Variants in PSMA1 observed in about 807,000 individuals in gnomAD.
PSMA1 encodes proteasome subunit alpha type-1.
Under a neutral mutation model 38.4 loss-of-function variants are expected in PSMA1, and 3 were observed. The ratio of observed to expected loss-of-function variants is 0.08; its 90% CI spans 0.04 to 0.20. The LOEUF is 0.20. Ranked by LOEUF, PSMA1 falls within the 10% of genes least tolerant of loss-of-function variation. The pLI, the probability that PSMA1 is intolerant of heterozygous loss-of-function variation, is 1.00. For missense variants in PSMA1, 227 were observed against 325.3 expected, an observed-to-expected ratio of 0.70 and a Z score of 2.32; for synonymous variants, 101 against 107.1, an observed-to-expected ratio of 0.94 and a Z score of 0.35.
chr11:14,522,994 G>A (rs72868069), upstream of PSMA1, among the ~76,000 whole-genome samples: 865 of 152,264 alleles, frequency 5.7e-3, 5 homozygotes, highest in Non-Finnish European at 8.6e-3. Context: ...GAATGAATGA[G>A]TGATAGATCT....
At chr11:14,512,428 C>T (rs897122015) in intron 7 of PSMA1, among the ~76,000 whole-genome samples, 4 of 152,026 alleles carry the variant, frequency 2.6e-5, no homozygotes, top group African/African-American at 7.3e-5. Flanking sequence ...ATTCCATGTT[C>T]ATGGATCAGA....
chr11:14,517,311 C>G (rs183176794), intron 4 of PSMA1, among the ~76,000 whole-genome samples: 3 of 152,236 alleles, frequency 2.0e-5, no homozygotes, highest in Non-Finnish European at 2.9e-5. Context: ...ACAAAGAAAA[C>G]AAGTGTGGTT....
At chr11:14,554,580 AT>A (rs2134170314) in intron 2 of PSMA1, among the ~76,000 whole-genome samples, 1 of 152,134 alleles carries the variant, frequency 6.6e-6, no homozygotes, top group East Asian at 1.9e-4. Flanking sequence ...TCTTTTCTCC[AT>A]TGAATTTTTT....
At chr11:14,533,463 G>T (rs2134160554) in intron 2 of PSMA1, among the ~76,000 whole-genome samples, 1 of 152,270 alleles carries the variant, frequency 6.6e-6, no homozygotes, top group South Asian at 2.1e-4. Context: ...ACCCCATGTG[G>T]CTTTCCTCTT....
chr11:14,567,494 A>AG (rs995090953), intron 2 of PSMA1, among the ~76,000 whole-genome samples: 1 of 152,206 alleles, frequency 6.6e-6, no homozygotes, highest in Admixed American at 6.6e-5. Flanking sequence ...CTGTAGTGTG[A>AG]GGGAGGTATC....
intron 2 of PSMA1, among the ~76,000 whole-genome samples, chr11:14,592,705 A>G (rs988089021): frequency 6.6e-6 from 1 of 152,302 alleles, no homozygotes; most frequent in South Asian, 2.1e-4. Flanking sequence ...TTCTTGTAGA[A>G]TTTTGTTTCT....
chr11:14,608,607 AAT>A (rs1453348257), intron 2 of PSMA1, among the ~76,000 whole-genome samples: 3 of 148,138 alleles, frequency 2.0e-5, no homozygotes, highest in Non-Finnish European at 3.0e-5. Flanking sequence ...ATATATATAA[AAT>A]ATGATTATAT....
chr11:14,512,534 C>T (rs953918015), intron 7 of PSMA1, among the ~76,000 whole-genome samples: 1 of 152,122 alleles, frequency 6.6e-6, no homozygotes, highest in Non-Finnish European at 1.5e-5. Context: ...ATGTGCTAGG[C>T]AGAGGGTGCT....
intron 1 of PSMA1, among the ~76,000 whole-genome samples, chr11:14,629,920 C>T (rs908953818): frequency 2.7e-4 from 41 of 151,426 alleles, no homozygotes; most frequent in African/African-American, 9.4e-4. Context: ...ATTTTATTCT[C>T]TTTGAAGCAA....
chr11:14,521,830 T>G (rs371124175), upstream of PSMA1, among the ~76,000 whole-genome samples: 11 of 151,648 alleles, frequency 7.3e-5, no homozygotes, highest in African/African-American at 2.4e-4. Context: ...CAACATATAC[T>G]CTCAACAGTA....
chr11:14,622,922 C>T (rs1225893425), intron 1 of PSMA1, among the ~76,000 whole-genome samples: 1 of 152,170 alleles, frequency 6.6e-6, no homozygotes, highest in African/African-American at 2.4e-5. Context: ...CCATTTGTAG[C>T]ATAGAATTAT....
chr11:14,523,158 C>A (rs998807744), upstream of PSMA1, among the ~76,000 whole-genome samples: 1 of 152,106 alleles, frequency 6.6e-6, no homozygotes, highest in Non-Finnish European at 1.5e-5. Context: ...TTTGGTTGAC[C>A]TTTTTGTTAA....
chr11:14,561,789 CTAAACTAAACTAAACTAAAT>C (rs1293058452), intron 2 of PSMA1, among the ~76,000 whole-genome samples: 22 of 142,700 alleles, frequency 1.5e-4, no homozygotes, highest in African/African-American at 4.9e-4. Context: ...CACTCTAGTC[CTAAACTAAACTAAACTAAAT>C]TAAACTAAAC....
chr11:14,507,287 C>A (rs1474815616), intron 9 of PSMA1, among the ~76,000 whole-genome samples: 1 of 151,854 alleles, frequency 6.6e-6, no homozygotes, highest in East Asian at 1.9e-4. Flanking sequence ...TCCTGCCTCA[C>A]CTCCTGAGTA....
intron 1 of PSMA1, among the ~76,000 whole-genome samples, chr11:14,631,727 C>T (rs937090672): frequency 4.6e-4 from 70 of 152,248 alleles, no homozygotes; most frequent in African/African-American, 1.6e-3. Context: ...TCCTTGTTGA[C>T]TTTCTGTCTC....
At chr11:14,544,955 A>G (rs558895697) in intron 2 of PSMA1, among the ~76,000 whole-genome samples, 1 of 152,368 alleles carries the variant, frequency 6.6e-6, no homozygotes, top group South Asian at 2.1e-4. Flanking sequence ...TGATAAACAA[A>G]ATATGGTAAA....
chr11:14,562,862 G>A lies in PSMA1; in HGVS notation c.22-43821C>T, dbSNP rs548730652. Reference sequence around the variant, plus strand: ...GCTGGGATTACAGGTGTGAGCCACCGGGCCTGGCTGTATTCATGAGCATTT... The same window carrying A: ...GCTGGGATTACAGGTGTGAGCCACCAGGCCTGGCTGTATTCATGAGCATTT... On this transcript the variant is annotated intron_variant, in intron 2 of 10. Transcript: ENST00000418988. Among the ~76,000 whole-genome samples the A allele has an allele frequency of 3.3e-5, 5 of 152,160 alleles. No individual in the cohort carries two copies. In the South Asian group the frequency reaches 1.0e-3, roughly 32 times the overall value.
At chr11:14,529,816 G>A (rs1414003662) in intron 2 of PSMA1, among the ~76,000 whole-genome samples, 1 of 152,056 alleles carries the variant, frequency 6.6e-6, no homozygotes, top group Non-Finnish European at 1.5e-5. Context: ...CTTTTTTTCT[G>A]TGGAAGTCTC....
At chr11:14,617,995 T>G (rs1852797929) in intron 1 of PSMA1, among the ~76,000 whole-genome samples, 1 of 152,196 alleles carries the variant, frequency 6.6e-6, no homozygotes, top group South Asian at 2.1e-4. Context: ...GAAACTATGT[T>G]CTAGTAGTTT....
Sources: gnomAD v4.1 joint callset for allele counts (sites outside exome capture counted in the v4.1 genomes callset) on GRCh38, gnomAD v4.1.1 for gene constraint, MANE v1.5 for transcripts, NCBI Gene and HGNC (gene_info 2026-07-23, HGNC 2026-07-21) for gene names.